Variants in NLN observed in about 807,000 individuals in gnomAD.
The protein encoded by NLN is neurolysin, also known as neurolysin, mitochondrial.
A neutral mutation model predicts 79.9 loss-of-function variants in NLN; 64 were observed. The ratio of observed to expected loss-of-function variants is 0.80; its 90% CI spans 0.65 to 0.99. The LOEUF is 0.99. Ranked by LOEUF, NLN falls within the 50% of genes least tolerant of loss-of-function variation. The pLI is 0.00. For missense variants in NLN, 835 were observed against 858.7 expected (o/e 0.97, Z 0.34); for synonymous variants, 267 against 296.6 (o/e 0.90, Z 1.02).
intron 3 of NLN, among the ~76,000 whole-genome samples, chr5:65,766,201 A>G (rs183103126): frequency 5.9e-4 from 90 of 152,318 alleles, no homozygotes; most frequent in Non-Finnish European, 9.4e-4. Context: ...ATGTAGTCTC[A>G]AGGTGTCTGT....
intron 2 of NLN, among the ~76,000 whole-genome samples, chr5:65,761,306 T>A (rs1409109170): frequency 2.6e-5 from 4 of 152,002 alleles, no homozygotes; most frequent in African/African-American, 9.7e-5. Context: ...TATTATTATT[T>A]TTTGAGATGG....
rs34063558 is a variant in NLN at position 65,788,126 on chromosome 5, A to G, written c.967A>G (p.Ser323Gly). Residue 323 changes from serine to glycine, a missense_variant, in exon 8 of 13, where the codon AGC becomes GGC. Physicochemically the swap from Ser to Gly is moderately conservative, Grantham distance 56. Transcript: ENST00000380985. The part of the protein sequence containing the change: ...SRVTAFLDDL[S>G]QKLKPLGEAE... The stretch of plus-strand genomic sequence containing the variant: ...TTTCCTTTTCCTTACAGATGATTTA[A>G]GCCAGAAGTTAAAACCCTTGGGTGA... The G allele has an allele frequency of 1.0e-4, 161 of 1,612,372 alleles. 1 individual carries two copies. The highest frequency in any genetic ancestry group is 1.3e-4 in the Non-Finnish European group (155 of 1,179,480).
At chr5:65,792,246 C>T (rs564830076) in intron 8 of NLN, among the ~76,000 whole-genome samples, 5 of 152,276 alleles carry the variant, frequency 3.3e-5, no homozygotes, top group African/African-American at 9.6e-5. Flanking sequence ...AAAGAAACTT[C>T]GGAGCTCACA....
intron 9 of NLN, among the ~76,000 whole-genome samples, chr5:65,805,979 C>T (rs1760402547): frequency 6.6e-6 from 1 of 152,204 alleles, no homozygotes; most frequent in African/African-American, 2.4e-5. Context: ...GCTGAATCCA[C>T]TCTGCCTGTG....
chr5:65,809,486 TA>T (rs1760493153), intron 9 of NLN, 28 bp from the exon 10 acceptor site: 3 of 1,556,416 alleles, frequency 1.9e-6, no homozygotes, highest in Non-Finnish European at 1.7e-6. Flanking sequence ...TTGAGTTCTT[TA>T]AAAAAATTCT....
chr5:65,723,054 C>T (rs1758355765), intron 1 of NLN: 1 of 152,260 alleles, frequency 6.6e-6, no homozygotes, highest in South Asian at 2.1e-4. Context: ...TCTAACCACA[C>T]CCCACTGCAA....
chr5:65,724,715 G>A (rs1200531383), intron 1 of NLN, among the ~76,000 whole-genome samples: 1 of 151,880 alleles, frequency 6.6e-6, no homozygotes, highest in Non-Finnish European at 1.5e-5. Context: ...CAGTACCTAA[G>A]GATTCCAATT....
At chr5:65,762,269 G>A (rs556355711) in intron 2 of NLN, among the ~76,000 whole-genome samples, 4 of 152,212 alleles carry the variant, frequency 2.6e-5, no homozygotes, top group South Asian at 2.1e-4. Flanking sequence ...GGTAGGGTCC[G>A]TTGCTTTGAT....
chr5:65,803,675 G>A (rs1015515009), intron 9 of NLN, among the ~76,000 whole-genome samples: 14 of 151,682 alleles, frequency 9.2e-5, no homozygotes, highest in Non-Finnish European at 1.9e-4. Flanking sequence ...AACCGCAGCT[G>A]TGCCCAGGAG....
At chr5:65,771,160 T>G (rs1176399751) in intron 3 of NLN, among the ~76,000 whole-genome samples, 1 of 152,180 alleles carries the variant, frequency 6.6e-6, no homozygotes, top group Non-Finnish European at 1.5e-5. Flanking sequence ...AAATGTATCC[T>G]TAATTCCACT....
At chr5:65,799,848 T>C (rs1479883589) in intron 9 of NLN, among the ~76,000 whole-genome samples, 1 of 152,186 alleles carries the variant, frequency 6.6e-6, no homozygotes, top group African/African-American at 2.4e-5. Flanking sequence ...TCACTCGGTA[T>C]GTGTGAAGTT....
At chr5:65,727,152 C>T (rs934591456) in intron 1 of NLN, among the ~76,000 whole-genome samples, 1 of 152,166 alleles carries the variant, frequency 6.6e-6, no homozygotes, top group Non-Finnish European at 1.5e-5. Flanking sequence ...GGACCTCTTT[C>T]AAGTTATGTA....
At chr5:65,760,244 C>A (rs889449340) in intron 2 of NLN, among the ~76,000 whole-genome samples, 2 of 152,188 alleles carry the variant, frequency 1.3e-5, no homozygotes, top group African/African-American at 4.8e-5. Context: ...TTTCTCTTAT[C>A]TCAGCATTTG....
chr5:65,728,192 C>T (rs1236035684), intron 1 of NLN, among the ~76,000 whole-genome samples: 1 of 152,048 alleles, frequency 6.6e-6, no homozygotes, highest in African/African-American at 2.4e-5. Flanking sequence ...CCTGGAACAG[C>T]CAATTCTTAA....
chr5:65,722,330 C>T lies in NLN; in HGVS notation c.-44C>T. On this transcript the variant is annotated 5_prime_UTR_variant, in exon 1 of 13. Coordinates refer to ENST00000380985, the MANE Select transcript of NLN (RefSeq NM_020726.5). ...CTGCCGCCCGCCTCGCCGCCCCACG[C>T]CGAAGGACCACGCGCCCGCCGCCGC... The T allele has an allele frequency of 6.6e-7, 1 of 1,512,980 alleles. No homozygotes were observed. Among genetic ancestry groups the T allele is most frequent in the Non-Finnish European group, 8.8e-7 (1 of 1,130,942 alleles). 93.7% of individuals were successfully genotyped at this position (1,512,980 alleles called of 1,614,324 possible). A position where few individuals can be genotyped will look rare whatever the true frequency, so the allele number is the denominator to read the frequency against.
chr5:65,774,035 A>T (rs1759625743), intron 3 of NLN, among the ~76,000 whole-genome samples: 1 of 150,374 alleles, frequency 6.7e-6, no homozygotes, highest in Non-Finnish European at 1.5e-5. Context: ...ATTGGGAAAA[A>T]CATTAAAATA....
chr5:65,793,560 A>C (rs1057254183), intron 9 of NLN: 1 of 151,534 alleles, frequency 6.6e-6, no homozygotes, highest in Non-Finnish European at 1.5e-5. Flanking sequence ...TGAGTTCAGG[A>C]GGTTGAGGTT....
chr5:65,812,470 C>A, intron 12 of NLN, 79 bp downstream of exon 12: 1 of 976,632 alleles, frequency 1.0e-6, no homozygotes, highest in Non-Finnish European at 1.5e-6. Flanking sequence ...ATATTGGTCA[C>A]ATCTAGATTT....
intron 1 of NLN, among the ~76,000 whole-genome samples, chr5:65,734,860 CAT>C (rs1758694221): frequency 6.6e-6 from 1 of 152,174 alleles, no homozygotes; most frequent in Non-Finnish European, 1.5e-5. Context: ...TTTTTATTCT[CAT>C]AGGAATTCTT....
Sources: gnomAD v4.1 joint callset for allele counts (sites outside exome capture counted in the v4.1 genomes callset) on GRCh38, gnomAD v4.1.1 for gene constraint, MANE v1.5 for transcripts, NCBI Gene and HGNC (gene_info 2026-07-23, HGNC 2026-07-21) for gene names.